ATG7: variants seen among roughly 807,000 people sequenced by gnomAD.
The protein encoded by ATG7 is autophagy related 7.
In ATG7, 70 loss-of-function variants were observed where a neutral mutation model predicts 82.4. That is an observed-to-expected ratio of 0.85 (90% CI 0.70 to 1.04). ATG7 has a LOEUF of 1.04. Among genes scored for constraint, ATG7 ranks in the 50% least tolerant of loss-of-function variants. The probability of loss-of-function intolerance (pLI) is 0.00; values close to 1 mark genes in which losing one functional copy is unlikely to be tolerated. For synonymous variants in ATG7, 287 were observed against 313.0 expected (o/e 0.92, Z 0.88); for missense variants, 792 against 864.3 (o/e 0.92, Z 1.05).
chr3:11,371,955 G>T lies in ATG7; in HGVS notation c.1875+7221G>T, dbSNP rs7627171. ...TGCCGGACCACACGCTGTCCAGCTG[G>T]GAACAGCCCGGGAGCGAGGCCAAAC... On this transcript the variant is annotated intron_variant, in intron 18 of 20. Coordinates refer to ENST00000693202, the MANE Select transcript of ATG7 (RefSeq NM_001349232.2). Among the ~76,000 whole-genome samples, 8 of 150,822 alleles carry T rather than the reference G, an allele frequency of 5.3e-5. 1 individual carries two copies. Among genetic ancestry groups the T allele is most frequent in the Non-Finnish European group, 8.9e-5 (6 of 67,702 alleles).
intron 20 of ATG7, among the ~76,000 whole-genome samples, chr3:11,452,265 A>T (rs2085263627): frequency 6.6e-6 from 1 of 151,292 alleles, no homozygotes; most frequent in Non-Finnish European, 1.5e-5. Flanking sequence ...CATGCCTGTA[A>T]TCCCAGCTAC....
chr3:11,571,509 C>T, the ATG7 span, among the ~76,000 whole-genome samples: 1 of 152,016 alleles, frequency 6.6e-6, no homozygotes, highest in African/African-American at 2.4e-5. Context: ...CATGGCAAAA[C>T]CCCGTCTCTA....
At chr3:11,290,658 A>C (rs1471178409) in intron 3 of ATG7, 2 of 237,118 alleles carry the variant, frequency 8.4e-6, no homozygotes, top group South Asian at 7.8e-5. Flanking sequence ...AGGAACCACT[A>C]TCTGCAATTA....
chr3:11,403,376 G>C (rs1037748164), intron 19 of ATG7, among the ~76,000 whole-genome samples: 1 of 151,764 alleles, frequency 6.6e-6, no homozygotes, highest in African/African-American at 2.4e-5. Context: ...GGGGAAGGTA[G>C]TAAGGAGAAG....
intron 19 of ATG7, among the ~76,000 whole-genome samples, chr3:11,423,041 G>A (rs994413042): frequency 6.6e-6 from 1 of 152,120 alleles, no homozygotes; most frequent in Admixed American, 6.5e-5. Context: ...AAATAGGCAT[G>A]AGCCACCGGG....
At chr3:11,452,527 T>C (rs2085296324) in intron 20 of ATG7, among the ~76,000 whole-genome samples, 1 of 152,188 alleles carries the variant, frequency 6.6e-6, no homozygotes, top group Non-Finnish European at 1.5e-5. Flanking sequence ...ATAAAGCTGT[T>C]ACTTTAAAAA....
intron 20 of ATG7, among the ~76,000 whole-genome samples, chr3:11,492,197 A>G (rs540321790): frequency 1.7e-4 from 26 of 152,320 alleles, no homozygotes; most frequent in Middle Eastern, 3.4e-3. Flanking sequence ...GGAAAGGCGC[A>G]GTATTAGGGT....
intron 18 of ATG7, among the ~76,000 whole-genome samples, chr3:11,378,907 T>C (rs1176603085): frequency 6.6e-6 from 1 of 151,946 alleles, no homozygotes; most frequent in Non-Finnish European, 1.5e-5. Flanking sequence ...GTTAATAGGA[T>C]GGCTAAACGG....
At chr3:11,453,424 G>A (rs73137585) in intron 20 of ATG7, among the ~76,000 whole-genome samples, 15,358 of 152,232 alleles carry the variant, frequency 0.1, 1,219 homozygotes, top group African/African-American at 0.22. Flanking sequence ...TCCCGCCGTG[G>A]CTGTCCCTGC....
At chr3:11,496,946 G>T (rs1266316277) in intron 20 of ATG7, among the ~76,000 whole-genome samples, 1 of 151,418 alleles carries the variant, frequency 6.6e-6, no homozygotes, top group Non-Finnish European at 1.5e-5. Context: ...TGCAACCTCT[G>T]TTTCAAGTGA....
intron 20 of ATG7, 45 bp from the exon 21 acceptor site, chr3:11,554,766 G>C: frequency 6.2e-7 from 1 of 1,609,620 alleles, no homozygotes; most frequent in East Asian, 2.2e-5. Context: ...GCCCCCCACC[G>C]GGCAGTGGGA....
At chr3:11,565,755 G>T in the ATG7 span, among the ~76,000 whole-genome samples, 1 of 152,200 alleles carries the variant, frequency 6.6e-6, no homozygotes, top group Non-Finnish European at 1.5e-5. The surrounding 1 kb of genome is among the most constrained non-coding windows in gnomAD (Gnocchi z 4.1). Context: ...TGGAATCCAG[G>T]TGAGACAGTC....
chr3:11,372,811 TGTGTGCGCGC>T (rs1204388061), intron 18 of ATG7, among the ~76,000 whole-genome samples: 2 of 123,078 alleles, frequency 1.6e-5, no homozygotes, highest in African/African-American at 2.9e-5. Flanking sequence ...GGTGTGTGTG[TGTGTGCGCGC>T]GTGTGCGTGT....
intron 19 of ATG7, among the ~76,000 whole-genome samples, chr3:11,392,562 A>G (rs1465953695): frequency 6.6e-6 from 1 of 151,934 alleles, no homozygotes; most frequent in African/African-American, 2.4e-5. Context: ...TTTGGCAGGC[A>G]CCCAGGCCCA....
chr3:11,450,301 G>A (rs2084985306), intron 20 of ATG7, among the ~76,000 whole-genome samples: 1 of 152,120 alleles, frequency 6.6e-6, no homozygotes, highest in Non-Finnish European at 1.5e-5. Flanking sequence ...CATATTAGTT[G>A]GGCCTGTGTA....
intron 14 of ATG7, among the ~76,000 whole-genome samples, chr3:11,354,188 A>G (rs2075766281): frequency 6.6e-6 from 1 of 152,228 alleles, no homozygotes; most frequent in Non-Finnish European, 1.5e-5. Context: ...ACTCCAGGAC[A>G]TAGGTGTCAT....
At chr3:11,360,995 G>A (rs577616652) in intron 16 of ATG7, among the ~76,000 whole-genome samples, 14 of 152,100 alleles carry the variant, frequency 9.2e-5, no homozygotes, top group Admixed American at 1.3e-4. Context: ...CAATATAAAC[G>A]CGGCTACAAA....
intron 19 of ATG7, among the ~76,000 whole-genome samples, chr3:11,425,363 G>T (rs1470867341): frequency 6.6e-6 from 1 of 152,062 alleles, no homozygotes; most frequent in Non-Finnish European, 1.5e-5. Flanking sequence ...TAGATTAAAG[G>T]GTGCCTGCAT....
chr3:11,458,531 G>A lies in ATG7; in HGVS notation c.2079+31605G>A, dbSNP rs143098596. 7.0e-3 allele frequency among the ~76,000 whole-genome samples: 1,062 copies of A among 152,248 alleles called. 9 individuals are homozygous for A. The highest frequency in any genetic ancestry group is 0.024 in the African/African-American group (1,006 of 41,542). On this transcript the variant is annotated intron_variant, in intron 20 of 20. Transcript: ENST00000693202. The stretch of plus-strand genomic sequence containing the variant: ...GCCCGCCTCGGCATCCCAAAGTGCC[G>A]GGATTACAGGCATGAGCCACTGCGC...
Sources: gnomAD v4.1 joint callset for allele counts (sites outside exome capture counted in the v4.1 genomes callset) on GRCh38, gnomAD v4.1.1 for gene constraint, Gnocchi (gnomAD v3.1) non-coding constraint, MANE v1.5 for transcripts, NCBI Gene and HGNC (gene_info 2026-07-23, HGNC 2026-07-21) for gene names.